ASS1: variants seen among roughly 807,000 people sequenced by gnomAD.
ASS1 encodes argininosuccinate synthase.
ASS1 carries 58 observed loss-of-function variants against 60.5 expected under a neutral mutation model. The ratio of observed to expected loss-of-function variants is 0.96; its 90% confidence interval spans 0.78 to 1.19. The LOEUF is 1.19. ASS1 is among the 50% of genes most tolerant of loss of function. The pLI is 0.00. For synonymous variants in ASS1, 200 were observed against 206.9 expected, an observed-to-expected ratio of 0.97 and a Z score of 0.29; for missense variants, 454 against 547.3, an observed-to-expected ratio of 0.83 and a Z score of 1.70.
chr9:130,486,061 A>G (rs933186460), intron 11 of ASS1, among the ~76,000 whole-genome samples: 21 of 152,140 alleles, frequency 1.4e-4, no homozygotes, highest in African/African-American at 4.8e-4. Flanking sequence ...ATCATGACTC[A>G]CTGCAGCCTC....
chr9:130,470,324 G>C lies in ASS1; in HGVS notation c.496-510G>C, dbSNP rs1045887790. 6.6e-6 allele frequency among the ~76,000 whole-genome samples: 1 copy of C among 152,228 alleles called. No individual in the cohort carries two copies. The highest frequency in any genetic ancestry group is 1.5e-5 in the Non-Finnish European group (1 of 68,030). On this transcript the variant is annotated intron_variant, in intron 6 of 14. Coordinates refer to ENST00000352480, the MANE Select transcript of ASS1 (RefSeq NM_054012.4). This position sits in a 1 kb window ranked among gnomAD's most constrained non-coding sequence, Gnocchi z 4.3. The stretch of plus-strand genomic sequence containing the variant: ...GGTCTGCAGAGTGATGTGTGTGGCT[G>C]TTGCGCCAGGCCCAGGGAGGGGTGC...
rs910533990 is a variant in ASS1, at chr9:130,494,750, C to T, written c.971-117C>T. On this transcript the variant is annotated intron_variant, in intron 12 of 14. Transcript: ENST00000352480. The surrounding 1 kb of genome is among the most constrained non-coding windows in gnomAD (Gnocchi z 4.3). ...CACATTGTGCCAGTCTCGCGGGAGG[C>T]AGTCATGGTCTGCATGGCGGGGTAA... 8 of 1,335,718 alleles carry T rather than the reference C, an allele frequency of 6.0e-6. No individual in the cohort carries two copies. In the African/African-American group the frequency reaches 1.0e-4, roughly 17 times the overall value. The allele number at this position is 1,335,718 out of a possible 1,614,324, so 82.7% of individuals were successfully genotyped here.
intron 12 of ASS1, among the ~76,000 whole-genome samples, chr9:130,493,450 CA>C (rs1846501649): frequency 6.6e-6 from 1 of 152,202 alleles, no homozygotes; most frequent in African/African-American, 2.4e-5. Context: ...GATGCGGACT[CA>C]CAGGGTGGGA....
chr9:130,447,646 G>A (rs965979510), intron 1 of ASS1, among the ~76,000 whole-genome samples: 2 of 152,348 alleles, frequency 1.3e-5, no homozygotes, highest in East Asian at 1.9e-4. Context: ...GAAACCTGCC[G>A]TGGCCCTTTC....
intron 11 of ASS1, among the ~76,000 whole-genome samples, chr9:130,485,439 G>C (rs925062368): frequency 6.6e-6 from 1 of 151,088 alleles, no homozygotes; most frequent in Non-Finnish European, 1.5e-5. Context: ...TAAAGGCCAA[G>C]CTGGGCACTT....
At position 130,452,211 on chromosome 9, in the gene ASS1, C is replaced by T. The variant is rs558748093; in HGVS notation, c.-5-13C>T. 9.9e-6 allele frequency: 16 copies of T among 1,612,116 alleles called. No homozygotes were observed. The highest frequency in any genetic ancestry group is 1.3e-5 in the African/African-American group (1 of 74,904). On this transcript the variant is annotated splice_polypyrimidine_tract_variant and intron_variant, in intron 1 of 14. Coordinates refer to ENST00000352480, the MANE Select transcript of ASS1 (RefSeq NM_054012.4). ...TCTCAGGGTCACTCAGGTTGTTCCT[C>T]GACTCCCGCCAGACGCTATGTCCAG...
intron 3 of ASS1, among the ~76,000 whole-genome samples, chr9:130,456,330 A>G (rs1845449151): frequency 6.6e-6 from 1 of 151,772 alleles, no homozygotes; most frequent in Non-Finnish European, 1.5e-5. Context: ...GCTGGGCGCG[A>G]TGGTGGGTGC....
chr9:130,474,054 T>TTCC (rs1845947072), intron 8 of ASS1, among the ~76,000 whole-genome samples: 1 of 6,046 alleles, frequency 1.7e-4, no homozygotes, highest in South Asian at 0.012. Flanking sequence ...CTCTCTTCCC[T>TTCC]CCCCCGCACC....
intron 12 of ASS1, among the ~76,000 whole-genome samples, chr9:130,493,743 G>C (rs926424207): frequency 6.6e-6 from 1 of 151,470 alleles, no homozygotes; most frequent in Admixed American, 6.6e-5. Context: ...CCCTCCCCCC[G>C]CCATGGCCTG....
Position 130,476,823 on chromosome 9 carries a change from TCC to T in ASS1, c.598-47_598-46del, listed in dbSNP as rs763804895. The stretch of plus-strand genomic sequence containing the variant: ...CCCGCGGGAGGTGGGCTGTAGGGTG[TCC>T]AGGGACTGGTATGTCATCTGCCCAC... On this transcript the variant is annotated intron_variant, in intron 8 of 14. Transcript: ENST00000352480. This position sits in a 1 kb window ranked among gnomAD's most constrained non-coding sequence, Gnocchi z 4.9. 1 of 1,540,480 alleles carries T rather than the reference TCC, an allele frequency of 6.5e-7. No homozygotes were observed. The highest frequency in any genetic ancestry group is 1.1e-5 in the South Asian group (1 of 89,560).
At chr9:130,458,873 T>G (rs1279047480) in intron 4 of ASS1, among the ~76,000 whole-genome samples, 1 of 152,212 alleles carries the variant, frequency 6.6e-6, no homozygotes, top group Non-Finnish European at 1.5e-5. Context: ...GGGGACATTG[T>G]CCAAGGTCGC....
At chr9:130,463,118 C>T (rs913666776) in intron 4 of ASS1, among the ~76,000 whole-genome samples, 5 of 152,234 alleles carry the variant, frequency 3.3e-5, no homozygotes, top group African/African-American at 4.8e-5. Context: ...TGCCACCTGA[C>T]GAGAGTCTGG....
intron 3 of ASS1, among the ~76,000 whole-genome samples, chr9:130,457,948 CA>C (rs2131873443): frequency 6.6e-6 from 1 of 152,188 alleles, no homozygotes; most frequent in Non-Finnish European, 1.5e-5. Context: ...CACCTGAGGT[CA>C]GGGGTTCAAG....
chr9:130,499,508 G>A lies in ASS1; in HGVS notation c.1131G>A (p.Met377Ile), dbSNP rs1361316705. The change falls in exon 14 of 15, where the codon ATG (methionine) becomes ATA (isoleucine). Residue 377 changes from methionine (M) to isoleucine (I), a missense_variant. Coordinates refer to ENST00000352480, the MANE Select transcript of ASS1 (RefSeq NM_054012.4). The stretch of plus-strand genomic sequence containing the variant: ...CAAGCTTCTACTCTCCTTGCAGCAT[G>A]AACGTGCAGGGTGATTATGAGCCAA... ...LSLYNEELVS[M>I]NVQGDYEPTD... 2 of 1,613,692 alleles carry A rather than the reference G, an allele frequency of 1.2e-6. No individual in the cohort carries two copies. The highest frequency in any genetic ancestry group is 2.2e-5 in the South Asian group (2 of 90,856).
At chr9:130,469,941 G>C (rs990298186) in intron 6 of ASS1, among the ~76,000 whole-genome samples, 1 of 152,136 alleles carries the variant, frequency 6.6e-6, no homozygotes, top group Non-Finnish European at 1.5e-5. Context: ...ATCCAGTCTC[G>C]CTGGCTCTGA....
intron 3 of ASS1, among the ~76,000 whole-genome samples, chr9:130,456,460 CTG>C (rs1418988631): frequency 2.0e-5 from 3 of 152,034 alleles, no homozygotes; most frequent in Non-Finnish European, 4.4e-5. Context: ...CAGCAAAACT[CTG>C]TAAAAAAAAC....
At position 130,478,426 on chromosome 9, in the gene ASS1, C is replaced by G. The variant is rs749700040; in HGVS notation, c.689-1290C>G. Among the ~76,000 whole-genome samples the G allele has an allele frequency of 1.3e-5, 2 of 152,062 alleles. No individual in the cohort carries two copies. The highest frequency in any genetic ancestry group is 2.9e-5 in the Non-Finnish European group (2 of 68,004). ...GGCACCAGGCTCTGGCAGCCCTGCC[C>G]GAGGACCAGGGCAGCTCCGCAGGCT... On this transcript the variant is annotated intron_variant, in intron 9 of 14. Transcript: ENST00000352480. The surrounding 1 kb of genome is among the most constrained non-coding windows in gnomAD (Gnocchi z 4.7).
chr9:130,483,192 G>T (rs1416971765), intron 11 of ASS1, among the ~76,000 whole-genome samples: 1 of 152,140 alleles, frequency 6.6e-6, no homozygotes, highest in Non-Finnish European at 1.5e-5. Flanking sequence ...TTTTTATTAA[G>T]TGTACAGTAA....
intron 5 of ASS1, among the ~76,000 whole-genome samples, chr9:130,465,056 A>ATATATATATATATATATTTTTTTTTTTT (rs1479147331): frequency 1.7e-5 from 2 of 120,144 alleles, no homozygotes; most frequent in African/African-American, 7.2e-5. Context: ...ATATATATAT[A>ATATATATATATATATATTTTTTTTTTTT]TTTTTTTTTT....
Sources: gnomAD v4.1 joint callset for allele counts (sites outside exome capture counted in the v4.1 genomes callset) on GRCh38, gnomAD v4.1.1 for gene constraint, Gnocchi (gnomAD v3.1) non-coding constraint, MANE v1.5 for transcripts, NCBI Gene and HGNC (gene_info 2026-07-23, HGNC 2026-07-21) for gene names.